ZPBP: variants seen among roughly 807,000 people sequenced by gnomAD.
ZPBP encodes the protein zona pellucida binding protein.
ZPBP carries 26 observed loss-of-function variants against 44.8 expected under a neutral mutation model. The ratio of observed to expected loss-of-function variants is 0.58; its 90% CI spans 0.43 to 0.81. ZPBP has a LOEUF of 0.81. ZPBP is among the 30% of genes least tolerant of loss of function. ZPBP has a pLI of 0.00. For synonymous variants in ZPBP, 174 were observed against 153.2 expected (o/e 1.14, Z -1.00); for missense variants, 409 against 434.0 (o/e 0.94, Z 0.51).
chr7:50,018,174 C>T, intron 6 of ZPBP, 66 bp downstream of exon 6: 1 of 1,164,362 alleles, frequency 8.6e-7, no homozygotes, highest in Non-Finnish European at 1.3e-6. Flanking sequence ...AGCTAGGATG[C>T]TTACTTACAC....
intron 5 of ZPBP, among the ~76,000 whole-genome samples, chr7:50,021,131 A>C (rs968931453): frequency 6.6e-6 from 1 of 152,114 alleles, no homozygotes; most frequent in African/African-American, 2.4e-5. Flanking sequence ...ATAAAGAAAC[A>C]AGAATGTATG....
At chr7:49,990,653 T>C (rs1167042651) in intron 6 of ZPBP, among the ~76,000 whole-genome samples, 1 of 151,906 alleles carries the variant, frequency 6.6e-6, no homozygotes, top group Admixed American at 6.6e-5. Flanking sequence ...AATTGGTTGA[T>C]GGTTCAGGAA....
chr7:49,875,252 C>T (rs916073474), intron 2 of ZPBP, among the ~76,000 whole-genome samples: 6 of 150,566 alleles, frequency 4.0e-5, no homozygotes, highest in Admixed American at 6.7e-5. Context: ...CGCCTTTAGT[C>T]CCAGCTACTC....
At chr7:49,883,700 TCAAA>T (rs1346564104) in intron 2 of ZPBP, among the ~76,000 whole-genome samples, 1 of 152,196 alleles carries the variant, frequency 6.6e-6, no homozygotes, top group Non-Finnish European at 1.5e-5. Context: ...CTGCACTTCC[TCAAA>T]CAGACATCAG....
intron 6 of ZPBP, among the ~76,000 whole-genome samples, chr7:49,992,179 A>G (rs1488543334): frequency 2.6e-5 from 4 of 152,156 alleles, no homozygotes. Context: ...CTATCTACTT[A>G]CTGATAAAGG....
chr7:50,031,140 T>C lies in ZPBP; in HGVS notation c.658A>G (p.Lys220Glu). Residue 220 changes from lysine to glutamate, a missense_variant, in exon 5 of 8, where the codon AAA becomes GAA. Lys to Glu is a moderately conservative substitution (Grantham distance 56). Around this residue, in one of 2 missense-constraint regions of ZPBP, gnomAD observed 367 missense variants for 363.1 expected, o/e 1.01. Transcript: ENST00000046087. ...SLLKSECHRV[K>E]MQRAGLQNEL... ...TTTTGCAAACCAGCTCTTTGCATTT[T>C]AACGCGATGGCATTCAGACTTAAGT... 6.2e-7 allele frequency: 1 copy of C among 1,613,820 alleles called. No homozygotes were observed. Among genetic ancestry groups the C allele is most frequent in the Non-Finnish European group, 8.5e-7 (1 of 1,179,856 alleles).
chr7:50,000,201 C>G (rs1392296296), intron 6 of ZPBP, among the ~76,000 whole-genome samples: 1 of 151,994 alleles, frequency 6.6e-6, no homozygotes, highest in Non-Finnish European at 1.5e-5. Context: ...TTTTAATATT[C>G]TAATTTTAAG....
At chr7:50,067,621 A>T (rs980492037) in intron 3 of ZPBP, among the ~76,000 whole-genome samples, 4 of 152,128 alleles carry the variant, frequency 2.6e-5, no homozygotes, top group African/African-American at 9.7e-5. Flanking sequence ...TGATCTGTCA[A>T]ATCTCTTCGG....
chr7:50,072,507 A>T (rs1405290463), intron 3 of ZPBP, among the ~76,000 whole-genome samples: 1 of 152,240 alleles, frequency 6.6e-6, no homozygotes, highest in African/African-American at 2.4e-5. Context: ...TTGAGCAAAC[A>T]CAGGCTGGAG....
chr7:49,924,622 A>G (rs1446758312), intron 1 of ZPBP, among the ~76,000 whole-genome samples: 3 of 152,146 alleles, frequency 2.0e-5, no homozygotes, highest in African/African-American at 7.2e-5. Context: ...TCATAATAGA[A>G]TGGAAAAGGG....
intron 3 of ZPBP, among the ~76,000 whole-genome samples, chr7:50,074,984 C>G (rs961756480): frequency 1.3e-5 from 2 of 151,770 alleles, no homozygotes; most frequent in African/African-American, 2.4e-5. Context: ...TTCCTCAGTA[C>G]AGAGATCATT....
chr7:49,971,748 CTA>C (rs1796312747), intron 7 of ZPBP, among the ~76,000 whole-genome samples: 1 of 152,208 alleles, frequency 6.6e-6, no homozygotes, highest in East Asian at 1.9e-4. Flanking sequence ...CTAACTCATT[CTA>C]TGAGGCCAAT....
chr7:49,903,731 A>G (rs1055823458), intron 1 of ZPBP, among the ~76,000 whole-genome samples: 1 of 152,166 alleles, frequency 6.6e-6, no homozygotes, highest in African/African-American at 2.4e-5. Flanking sequence ...TGTCTGGGGT[A>G]TATACCCAGG....
At chr7:50,029,919 G>T (rs1299687750) in intron 5 of ZPBP, among the ~76,000 whole-genome samples, 1 of 152,136 alleles carries the variant, frequency 6.6e-6, no homozygotes, top group African/African-American at 2.4e-5. Context: ...GCAGTGGCAC[G>T]ATCTCGGCTC....
chr7:49,863,034 G>A (rs1790721983), intron 2 of ZPBP, among the ~76,000 whole-genome samples: 1 of 152,150 alleles, frequency 6.6e-6, no homozygotes, highest in Non-Finnish European at 1.5e-5. Context: ...GTTTGAGAAG[G>A]ATTTGTGCTA....
intron 7 of ZPBP, among the ~76,000 whole-genome samples, chr7:49,950,867 A>G (rs1795311630): frequency 1.3e-5 from 2 of 151,800 alleles, no homozygotes; most frequent in Non-Finnish European, 3.0e-5. Flanking sequence ...CAAAGCTACA[A>G]TAATCAAAAC....
At chr7:49,997,102 A>G (rs1447661228) in intron 6 of ZPBP, among the ~76,000 whole-genome samples, 1 of 152,194 alleles carries the variant, frequency 6.6e-6, no homozygotes, top group Non-Finnish European at 1.5e-5. Context: ...GGTGAAAGAT[A>G]TGTCTTCTGA....
chr7:50,016,426 T>C (rs1798825984), intron 6 of ZPBP, among the ~76,000 whole-genome samples: 2 of 151,194 alleles, frequency 1.3e-5, no homozygotes, highest in Admixed American at 6.6e-5. Context: ...AAGGTGAGGG[T>C]TGAAAAACAA....
intron 3 of ZPBP, among the ~76,000 whole-genome samples, chr7:50,079,910 A>G (rs914635666): frequency 1.3e-5 from 2 of 151,694 alleles, no homozygotes; most frequent in Admixed American, 1.3e-4. Flanking sequence ...TTGTTGCAAT[A>G]AATGCAATTA....
Sources: allele counts gnomAD v4.1 joint callset (sites outside exome capture counted in the v4.1 genomes callset), GRCh38; gene constraint gnomAD v4.1.1; regional missense constraint gnomAD v4.1.1; transcripts MANE v1.5; gene names NCBI Gene and HGNC (gene_info 2026-07-23, HGNC 2026-07-21).